VENTX: variants seen among roughly 807,000 people sequenced by gnomAD.
VENTX encodes the protein VENT homeobox, also known as homeobox protein VENTX.
A neutral mutation model predicts 10.5 loss-of-function variants in VENTX; 13 were observed. The observed-to-expected ratio is 1.23, with a 90% CI of 0.80 to 1.96. VENTX has a LOEUF of 1.96. Ranked by LOEUF, VENTX falls within the 30% of genes most tolerant of loss-of-function variation. VENTX has a pLI of 0.00. For missense variants in VENTX, 400 were observed against 341.8 expected, an observed-to-expected ratio of 1.17 and a Z score of -1.34; for synonymous variants, 177 against 150.4, an observed-to-expected ratio of 1.18 and a Z score of -1.29.
chr10:133,238,172 G>A lies in VENTX; in HGVS notation c.241+17G>A. Reference sequence around the variant, plus strand: ...CCATGGCCGGTAGGTCCGGGTGGGGGGGGTCCCTTCCTTCCCAGGTGGAGA... The same window carrying A: ...CCATGGCCGGTAGGTCCGGGTGGGGAGGGTCCCTTCCTTCCCAGGTGGAGA... On this transcript the variant is annotated intron_variant, in intron 1 of 2. Coordinates refer to ENST00000325980, the MANE Select transcript of VENTX (RefSeq NM_014468.4). 6.4e-7 allele frequency: 1 copy of A among 1,574,120 alleles called. No homozygotes were observed. The highest frequency in any genetic ancestry group is 8.6e-7 in the Non-Finnish European group (1 of 1,158,592).
intron 1 of VENTX, among the ~76,000 whole-genome samples, chr10:133,239,325 G>A (rs2998130): frequency 5.9e-5 from 9 of 152,322 alleles, no homozygotes; most frequent in Non-Finnish European, 8.8e-5. Flanking sequence ...TGGGTGGGTC[G>A]CCAGGCCTTT....
Position 133,240,340 on chromosome 10 carries a change from G to C in VENTX, c.*34G>C, listed in dbSNP as rs1450945826. On this transcript the variant is annotated 3_prime_UTR_variant, in exon 3 of 3. Transcript: ENST00000325980. ...CTCTGACTCCCACACTCGCGGTCTT[G>C]CTGATCGCACCTGGCTCCTACCTGG... 7 of 1,538,344 alleles carry C rather than the reference G, an allele frequency of 4.6e-6. No individual in the cohort carries two copies. The highest frequency in any genetic ancestry group is 6.1e-6 in the Non-Finnish European group (7 of 1,141,428).
Position 133,238,545 on chromosome 10 carries a change from C to T in VENTX, c.241+390C>T, listed in dbSNP as rs904383125. ...GATTTGCCAAGCCCCCCGCCCCCGCCCCCCAGCACAGCCGGTGCCTGCTCA... is the reference window on the plus strand; with the variant it reads ...GATTTGCCAAGCCCCCCGCCCCCGCTCCCCAGCACAGCCGGTGCCTGCTCA... On this transcript the variant is annotated intron_variant, in intron 1 of 2. Coordinates refer to ENST00000325980, the MANE Select transcript of VENTX (RefSeq NM_014468.4). 2.0e-5 allele frequency among the ~76,000 whole-genome samples: 3 copies of T among 152,126 alleles called. No individual in the cohort carries two copies. The East Asian group carries it at 5.8e-4, about 29-fold the overall frequency.
Position 133,238,175 on chromosome 10 carries a change from G to GT in VENTX, c.241+21dup. On this transcript the variant is annotated intron_variant, in intron 1 of 2. Coordinates refer to ENST00000325980, the MANE Select transcript of VENTX (RefSeq NM_014468.4). ...TGGCCGGTAGGTCCGGGTGGGGGGG[G>GT]TCCCTTCCTTCCCAGGTGGAGATGG... 1 of 1,569,476 alleles carries GT rather than the reference G, an allele frequency of 6.4e-7. No homozygotes were observed. The highest frequency in any genetic ancestry group is 1.2e-5 in the South Asian group (1 of 84,894).
Position 133,240,439 on chromosome 10 carries a change from G to A in VENTX, c.*133G>A, listed in dbSNP as rs1231425568. On this transcript the variant is annotated 3_prime_UTR_variant, in exon 3 of 3. Coordinates refer to ENST00000325980, the MANE Select transcript of VENTX (RefSeq NM_014468.4). ...CCACACAAAGGTTCTGGAGATTACT[G>A]GAGAATATATATAAATATATATATG... The A allele has an allele frequency of 3.5e-6, 3 of 864,232 alleles. No homozygotes were observed. Among genetic ancestry groups the A allele is most frequent in the Non-Finnish European group, 4.8e-6 (3 of 623,092 alleles). 53.5% of individuals were successfully genotyped at this position (864,232 alleles called of 1,614,324 possible).
rs2240891 is a variant in VENTX, at chr10:133,238,149, A to G, written c.235A>G (p.Met79Val). The change falls in exon 1 of 3, where the codon ATG (methionine) becomes GTG (valine). Residue 79 changes from methionine (M) to valine (V), a missense_variant. Physicochemically the swap from Met to Val is conservative, Grantham distance 21. Transcript: ENST00000325980. Reference sequence around the variant, plus strand: ...AAATCTGCCTGCGCCGGAGAGGACCATGGCCGGTAGGTCCGGGTGGGGGGG... The same window carrying G: ...AAATCTGCCTGCGCCGGAGAGGACCGTGGCCGGTAGGTCCGGGTGGGGGGG... ...SSNLPAPERT[M>V]AGLSKEPNTL... 0.013 allele frequency: 20,726 copies of G among 1,593,624 alleles called. 894 individuals are homozygous for G. In the East Asian group the frequency reaches 0.14, roughly 10 times the overall value.
chr10:133,238,436 C>T (rs1396457637), intron 1 of VENTX, among the ~76,000 whole-genome samples: 1 of 152,222 alleles, frequency 6.6e-6, no homozygotes, highest in African/African-American at 2.4e-5. Context: ...GTCCCCCACC[C>T]CGGCCTGGTG....
intron 1 of VENTX, among the ~76,000 whole-genome samples, chr10:133,239,360 C>T (rs929273449): frequency 1.3e-5 from 2 of 152,202 alleles, no homozygotes; most frequent in South Asian, 2.1e-4. Flanking sequence ...CTTACCTTAC[C>T]GGCCTGGAAG....
In VENTX at chr10:133,237,923, C is replaced by CTCA. The variant is rs1564909299; in HGVS notation, c.11_12insATC (p.Ser6dup). ...CGGCCCACCTGGCCGCCATGCGCCT[C>CTCA]TCCTCCTCCCCACCTCGTGGCCCGC... is the stretch of plus-strand genomic sequence containing the variant. On this transcript the variant is annotated inframe_insertion, in exon 1 of 3. Transcript: ENST00000325980. The CTCA allele has an allele frequency of 3.8e-6, 6 of 1,590,436 alleles. No individual in the cohort carries two copies. In the African/African-American group the frequency reaches 8.1e-5, roughly 21 times the overall value.
At position 133,240,364 on chromosome 10, in the gene VENTX, G is replaced by C; in HGVS notation, c.*58G>C. On this transcript the variant is annotated 3_prime_UTR_variant, in exon 3 of 3. Coordinates refer to ENST00000325980, the MANE Select transcript of VENTX (RefSeq NM_014468.4). ...TGCTGATCGCACCTGGCTCCTACCT[G>C]GAGGACTCAGTTGTTCTGTTTACAT... 1 of 1,512,386 alleles carries C rather than the reference G, an allele frequency of 6.6e-7. No individual in the cohort carries two copies. Among genetic ancestry groups the C allele is most frequent in the South Asian group, 1.3e-5 (1 of 75,954 alleles). 93.7% of individuals were successfully genotyped at this position (1,512,386 alleles called of 1,614,324 possible).
In VENTX at chr10:133,240,232, C is replaced by A. The variant is rs779897057; in HGVS notation, c.703C>A (p.Pro235Thr). The A allele has an allele frequency of 9.3e-6, 15 of 1,611,572 alleles. No individual in the cohort carries two copies. In the Admixed American group the frequency reaches 1.7e-4, roughly 18 times the overall value. ...GTCCCACCCCCCTACCCCAGGCCGGCCTTCGCTGGGACCAGCCCTGTCCAC... is the reference window on the plus strand; with the variant it reads ...GTCCCACCCCCCTACCCCAGGCCGGACTTCGCTGGGACCAGCCCTGTCCAC... ...LASHPPTPGRPSLGPALSTGP... is the reference protein window; with the variant it reads ...LASHPPTPGRTSLGPALSTGP... The change falls in exon 3 of 3, where the codon CCT (proline) becomes ACT (threonine). Residue 235 changes from proline (P) to threonine (T), a missense_variant. Physicochemically the swap from Pro to Thr is conservative, Grantham distance 38. Transcript: ENST00000325980.
rs1845880417 is a variant in VENTX at position 133,238,230 on chromosome 10, C to T, written c.241+75C>T. 5.4e-6 allele frequency: 8 copies of T among 1,472,874 alleles called. No homozygotes were observed. In the South Asian group the frequency reaches 8.6e-5, roughly 16 times the overall value. The allele number at this position is 1,472,874 out of a possible 1,614,324, so 91.2% of individuals were successfully genotyped here. ...GGGGGAGAGGCCAGGAGCCCGGCGG[C>T]TGCACTCCCCGCGGTGCCCTGCCCA... is the stretch of plus-strand genomic sequence containing the variant. On this transcript the variant is annotated intron_variant, in intron 1 of 2. Coordinates refer to ENST00000325980, the MANE Select transcript of VENTX (RefSeq NM_014468.4).
In VENTX at chr10:133,240,316, T is replaced by C; in HGVS notation, c.*10T>C. ...GGGGGATGCATTTTGAGGAGGCACC[T>C]CTGACTCCCACACTCGCGGTCTTGC... On this transcript the variant is annotated 3_prime_UTR_variant, in exon 3 of 3. Transcript: ENST00000325980. The C allele has an allele frequency of 6.4e-7, 1 of 1,566,398 alleles. No homozygotes were observed. The highest frequency in any genetic ancestry group is 8.7e-7 in the Non-Finnish European group (1 of 1,154,020).
At position 133,240,373 on chromosome 10, in the gene VENTX, A is replaced by C. The variant is rs549750351; in HGVS notation, c.*67A>C. The C allele has an allele frequency of 1.8e-5, 27 of 1,503,986 alleles. No individual in the cohort carries two copies. The Admixed American group carries it at 4.1e-4, about 23-fold the overall frequency. The allele number at this position is 1,503,986 out of a possible 1,614,324, so 93.2% of individuals were successfully genotyped here. ...CACCTGGCTCCTACCTGGAGGACTC[A>C]GTTGTTCTGTTTACATCCTGGTGGC... is the stretch of plus-strand genomic sequence containing the variant. On this transcript the variant is annotated 3_prime_UTR_variant, in exon 3 of 3. Coordinates refer to ENST00000325980, the MANE Select transcript of VENTX (RefSeq NM_014468.4).
chr10:133,239,465 CTGT>C (rs1845897483), intron 1 of VENTX, among the ~76,000 whole-genome samples: 1 of 152,216 alleles, frequency 6.6e-6, no homozygotes. Flanking sequence ...GCCCAAGCTG[CTGT>C]TAACATTCCC....
Position 133,237,995 on chromosome 10 carries a change from C to A in VENTX, c.81C>A (p.Ser27Arg). The A allele has an allele frequency of 6.2e-7, 1 of 1,600,044 alleles. No individual in the cohort carries two copies. The highest frequency in any genetic ancestry group is 1.1e-5 in the South Asian group (1 of 89,210). ...FGSVDWLSQSSCSGPTHTPRP... is the reference protein window; with the variant it reads ...FGSVDWLSQSRCSGPTHTPRP... The stretch of plus-strand genomic sequence containing the variant: ...CCGTGGACTGGCTCTCCCAGAGCAG[C>A]TGCTCAGGGCCGACCCACACCCCCA... The change falls in exon 1 of 3, where the codon AGC becomes AGA. Residue 27 changes from serine (S) to arginine (R), a missense_variant. Coordinates refer to ENST00000325980, the MANE Select transcript of VENTX (RefSeq NM_014468.4).
rs925813052 is a variant in VENTX, at chr10:133,240,954, A to G, written c.*648A>G. ...AGTCAAATGCAGAAGTGGGCTTGTC[A>G]TGGGTAGGGCTTTCGGCGTACGATA... On this transcript the variant is annotated 3_prime_UTR_variant, in exon 3 of 3. Transcript: ENST00000325980. 5 of 152,208 alleles carry G rather than the reference A, an allele frequency of 3.3e-5. No homozygotes were observed. The highest frequency in any genetic ancestry group is 1.2e-4 in the African/African-American group (5 of 41,450). The allele number at this position is 152,208 out of a possible 1,614,324, so 9.4% of individuals were successfully genotyped here.
Position 133,237,879 on chromosome 10 carries a change from C to G in VENTX, c.-36C>G. 2 of 1,540,172 alleles carry G rather than the reference C, an allele frequency of 1.3e-6. No individual in the cohort carries two copies. Among genetic ancestry groups the G allele is most frequent in the Non-Finnish European group, 1.7e-6 (2 of 1,149,084 alleles). ...CGAGGTGGATCCTGCGCCTGGCCAG[C>G]CCCGCCTGGCCTTCCCTCCGGCCCA... is the stretch of plus-strand genomic sequence containing the variant. On this transcript the variant is annotated 5_prime_UTR_variant, in exon 1 of 3. Transcript: ENST00000325980.
intron 1 of VENTX, among the ~76,000 whole-genome samples, chr10:133,238,531 C>CCCCCCCG (rs1554924757): frequency 3.2e-5 from 4 of 125,044 alleles, no homozygotes; most frequent in African/African-American, 1.4e-4. Context: ...ATTTGCCAAG[C>CCCCCCCG]CCCCCGCCCC....
Sources: allele counts gnomAD v4.1 joint callset (sites outside exome capture counted in the v4.1 genomes callset), GRCh38; gene constraint gnomAD v4.1.1; transcripts MANE v1.5; gene names NCBI Gene and HGNC (gene_info 2026-07-23, HGNC 2026-07-21).